CFAP46: variants seen among roughly 807,000 people sequenced by gnomAD.
CFAP46 encodes the protein cilia and flagella associated protein 46, also known as cilia- and flagella-associated protein 46.
Under a neutral mutation model 325.7 loss-of-function variants are expected in CFAP46, and 245 were observed. The observed-to-expected ratio is 0.75, with a 90% CI of 0.68 to 0.84. The LOEUF is 0.84. CFAP46 is among the 40% of genes least tolerant of loss of function. CFAP46 has a pLI of 0.00. For synonymous variants in CFAP46, 1,523 were observed against 1,495.9 expected, an observed-to-expected ratio of 1.02 and a Z score of -0.42; for missense variants, 3,346 against 3,543.0, an observed-to-expected ratio of 0.94 and a Z score of 1.41.
chr10:132,880,916 G>A lies in CFAP46; in HGVS notation c.3744C>T (p.Ile1248=). The A allele has an allele frequency of 1.3e-6, 2 of 1,550,356 alleles. No homozygotes were observed. Among genetic ancestry groups the A allele is most frequent in the Non-Finnish European group, 1.7e-6 (2 of 1,146,918 alleles). The part of the protein sequence containing the change: ...VVFHLRWAVE[I]LLAMKPPGDV... ...CGCCGGGCGGCTTCATGGCCAGCAGGATCTCGACAGCCCAGCGGAGGTGGA... is the reference window on the plus strand; with the variant it reads ...CGCCGGGCGGCTTCATGGCCAGCAGAATCTCGACAGCCCAGCGGAGGTGGA... Residue 1248 remains isoleucine, a synonymous_variant, in exon 28 of 58, where the codon ATC becomes ATT. Coordinates refer to ENST00000368586, the MANE Select transcript of CFAP46 (RefSeq NM_001200049.3).
chr10:132,878,984 T>A (rs7080434), intron 29 of CFAP46, among the ~76,000 whole-genome samples: 14,294 of 152,120 alleles, frequency 0.094, 1,822 homozygotes, highest in African/African-American at 0.29. Flanking sequence ...GGAAGAAGGC[T>A]CTGGAAGCCC....
chr10:132,939,541 A>G lies in CFAP46; in HGVS notation c.372-788T>C, dbSNP rs1401746762. Among the ~76,000 whole-genome samples, 4 of 152,188 alleles carry G rather than the reference A, an allele frequency of 2.6e-5. No homozygotes were observed. Among genetic ancestry groups the G allele is most frequent in the African/African-American group, 9.6e-5 (4 of 41,458 alleles). Reference sequence around the variant, plus strand: ...CCACCAGGTGGACCAGCACTGCTCAATGCCCAGGTGGGAGGAGGACACCAG... The same window carrying G: ...CCACCAGGTGGACCAGCACTGCTCAGTGCCCAGGTGGGAGGAGGACACCAG... On this transcript the variant is annotated intron_variant, in intron 4 of 57. Transcript: ENST00000368586. This position sits in a 1 kb window ranked among gnomAD's most constrained non-coding sequence, Gnocchi z 4.6.
chr10:132,812,784 C>G lies in CFAP46; in HGVS notation c.7501+1G>C. ...GGGGGTGCTGAGAGGACACCTCTCACCTTGCAAGTTCATGGCGACCAATCT... is the reference window on the plus strand; with the variant it reads ...GGGGGTGCTGAGAGGACACCTCTCAGCTTGCAAGTTCATGGCGACCAATCT... On this transcript the variant is annotated splice_donor_variant, in intron 55 of 57. Transcript: ENST00000368586. LOFTEE classifies it high-confidence loss of function. 6.2e-7 allele frequency: 1 copy of G among 1,607,172 alleles called. No homozygotes were observed. Among genetic ancestry groups the G allele is most frequent in the Non-Finnish European group, 8.5e-7 (1 of 1,175,386 alleles).
intron 33 of CFAP46, among the ~76,000 whole-genome samples, chr10:132,868,903 G>T (rs1302172347): frequency 1.3e-5 from 2 of 152,262 alleles, no homozygotes; most frequent in African/African-American, 4.8e-5. Flanking sequence ...CAGCTCTGAA[G>T]TGAACTCCTG....
chr10:132,865,955 C>A (rs1002007335), intron 35 of CFAP46, 70 bp downstream of exon 35: 1 of 1,325,478 alleles, frequency 7.5e-7, no homozygotes, highest in African/African-American at 1.5e-5. Context: ...CTTCTGCCCG[C>A]AGTCCCTCCA....
At chr10:132,916,068 T>C (rs1330206331) in intron 17 of CFAP46, among the ~76,000 whole-genome samples, 1 of 152,230 alleles carries the variant, frequency 6.6e-6, no homozygotes, top group African/African-American at 2.4e-5. Flanking sequence ...AAACTAAATT[T>C]TCTTATTGAC....
chr10:132,859,158 C>A lies in CFAP46; in HGVS notation c.5288G>T (p.Gly1763Val). The change falls in exon 38 of 58, where the codon GGC becomes GTC. Residue 1763 changes from glycine to valine, a missense_variant. Gly to Val is a moderately radical substitution (Grantham distance 109, BLOSUM62 -3). Coordinates refer to ENST00000368586, the MANE Select transcript of CFAP46 (RefSeq NM_001200049.3). ...CSLLLKEMDD[G>V]LLEIERKFID... ...AAACTTTCTCTCAATTTCCAACAGG[C>A]CATCATCCATCTCTTTCAGTAGCAA... is the stretch of plus-strand genomic sequence containing the variant. 6.4e-7 allele frequency: 1 copy of A among 1,550,856 alleles called. No homozygotes were observed. The highest frequency in any genetic ancestry group is 8.7e-7 in the Non-Finnish European group (1 of 1,147,040).
At chr10:132,938,264 C>A (rs890727466) in intron 5 of CFAP46, among the ~76,000 whole-genome samples, 1 of 152,206 alleles carries the variant, frequency 6.6e-6, no homozygotes. Flanking sequence ...ACGTCTACTG[C>A]GTTACCATTT....
At chr10:132,904,137 G>A (rs563399489) in intron 22 of CFAP46, among the ~76,000 whole-genome samples, 19 of 152,374 alleles carry the variant, frequency 1.2e-4, no homozygotes, top group African/African-American at 4.6e-4. Context: ...AAATTAGAAT[G>A]AAGAACTGAA....
At position 132,847,627 on chromosome 10, in the gene CFAP46, A is replaced by G. The variant is rs1211644737; in HGVS notation, c.5953-306T>C. Among the ~76,000 whole-genome samples, 1 of 151,880 alleles carries G rather than the reference A, an allele frequency of 6.6e-6. No homozygotes were observed. Among genetic ancestry groups the G allele is most frequent in the African/African-American group, 2.4e-5 (1 of 41,360 alleles). ...GAGTCACGTGGGCCTGGAATCCAAC[A>G]CATTCCCAGGGGGCTCTCGTTCCTG... is the stretch of plus-strand genomic sequence containing the variant. On this transcript the variant is annotated intron_variant, in intron 41 of 57. Transcript: ENST00000368586. This position sits in a 1 kb window ranked among gnomAD's most constrained non-coding sequence, Gnocchi z 5.2.
chr10:132,809,878 C>T (rs1847542902), intron 57 of CFAP46, among the ~76,000 whole-genome samples: 1 of 152,222 alleles, frequency 6.6e-6, no homozygotes, highest in Middle Eastern at 3.2e-3. Context: ...GACAGGCAGG[C>T]TGCTCTCCAG....
chr10:132,919,019 C>T lies in CFAP46; in HGVS notation c.1858+296G>A, dbSNP rs1016120236. On this transcript the variant is annotated intron_variant, in intron 15 of 57. Coordinates refer to ENST00000368586, the MANE Select transcript of CFAP46 (RefSeq NM_001200049.3). This position sits in a 1 kb window ranked among gnomAD's most constrained non-coding sequence, Gnocchi z 9.7. The stretch of plus-strand genomic sequence containing the variant: ...CACTGCCCTCTGCCTGCAGGTGCCC[C>T]GCATGGGCATCTGCTCACTGGCTGT... 6.6e-6 allele frequency among the ~76,000 whole-genome samples: 1 copy of T among 152,190 alleles called. No individual in the cohort carries two copies. The highest frequency in any genetic ancestry group is 1.5e-5 in the Non-Finnish European group (1 of 68,034).
Position 132,851,181 on chromosome 10 carries a change from C to T in CFAP46, c.5699G>A (p.Gly1900Glu), listed in dbSNP as rs1458047713. The change falls in exon 40 of 58, where the codon GGG (glycine) becomes GAG (glutamate). Residue 1900 changes from glycine to glutamate, a missense_variant. Transcript: ENST00000368586. Reference protein sequence around the residue: ...EEAHGQQSEQGSLEKLLADYL... With the variant: ...EEAHGQQSEQESLEKLLADYL... ...GTCCGCCAGCAGCTTCTCCAGGGAC[C>T]CCTGCTCACTCTGCTGCCCGTGGGC... The T allele has an allele frequency of 6.2e-7, 1 of 1,614,104 alleles. No homozygotes were observed. Among genetic ancestry groups the T allele is most frequent in the Non-Finnish European group, 8.5e-7 (1 of 1,180,032 alleles).
chr10:132,905,231 G>A (rs1415610986), intron 22 of CFAP46, among the ~76,000 whole-genome samples: 1 of 152,140 alleles, frequency 6.6e-6, no homozygotes, highest in African/African-American at 2.4e-5. Context: ...GGAGAGTCCG[G>A]CTGTAAATGA....
intron 50 of CFAP46, 116 bp from the exon 51 acceptor site, chr10:132,815,030 A>T: frequency 1.1e-6 from 1 of 940,856 alleles, no homozygotes; most frequent in Non-Finnish European, 1.7e-6. Flanking sequence ...AAAAAAAACA[A>T]GTTGTGAGAA....
At chr10:132,912,870 C>G in intron 18 of CFAP46, 50 bp from the exon 19 acceptor site, 1 of 1,538,330 alleles carries the variant, frequency 6.5e-7, no homozygotes, top group African/African-American at 1.4e-5. Context: ...AGGCCTCGCC[C>G]CGATCCCATG....
At chr10:132,908,305 GC>G (rs1849488059) in intron 22 of CFAP46, 162 bp downstream of exon 22, 1 of 775,304 alleles carries the variant, frequency 1.3e-6, no homozygotes, top group Non-Finnish European at 2.0e-6. Flanking sequence ...CTGGTGGGGC[GC>G]TCACACGCGC....
intron 22 of CFAP46, among the ~76,000 whole-genome samples, chr10:132,903,497 G>A (rs1201622342): frequency 6.6e-6 from 1 of 152,178 alleles, no homozygotes; most frequent in Non-Finnish European, 1.5e-5. Flanking sequence ...CTTCCATCTG[G>A]GCCCGCTCTC....
intron 27 of CFAP46, among the ~76,000 whole-genome samples, chr10:132,883,425 C>A (rs1001256150): frequency 6.6e-6 from 1 of 152,236 alleles, no homozygotes; most frequent in Non-Finnish European, 1.5e-5. Context: ...CGAGGAGACA[C>A]CCCTTTCACC....
Sources: gnomAD v4.1 joint callset for allele counts (sites outside exome capture counted in the v4.1 genomes callset) on GRCh38, gnomAD v4.1.1 for gene constraint, Gnocchi (gnomAD v3.1) non-coding constraint, MANE v1.5 for transcripts, NCBI Gene and HGNC (gene_info 2026-07-23, HGNC 2026-07-21) for gene names.